NPAS3: variants seen among roughly 807,000 people sequenced by gnomAD.
NPAS3 encodes neuronal PAS domain protein 3.
A neutral mutation model predicts 73.1 loss-of-function variants in NPAS3; 14 were observed. The observed-to-expected ratio is 0.19, with a 90% CI of 0.13 to 0.30. The LOEUF (loss-of-function observed/expected upper bound fraction) is 0.30. Among genes scored for constraint, NPAS3 ranks in the 10% least tolerant of loss-of-function variants. The pLI, the probability that NPAS3 is intolerant of heterozygous loss-of-function variation, is 1.00. For synonymous variants in NPAS3, 620 were observed against 541.5 expected, an observed-to-expected ratio of 1.14 and a Z score of -2.01; for missense variants, 1,096 against 1,250.0, an observed-to-expected ratio of 0.88 and a Z score of 1.86.
intron 5 of NPAS3, among the ~76,000 whole-genome samples, chr14:33,563,510 A>T (rs10145049): frequency 0.31 from 36,485 of 118,190 alleles, 4,771 homozygotes; most frequent in African/African-American, 0.33. Flanking sequence ...TGCCAGATAC[A>T]CATACATACA....
intron 3 of NPAS3, among the ~76,000 whole-genome samples, chr14:33,301,452 G>T (rs1486037362): frequency 6.6e-6 from 1 of 151,400 alleles, no homozygotes; most frequent in Non-Finnish European, 1.5e-5. Context: ...TCAAGAAAAA[G>T]AAAGTTTGTA....
At chr14:33,323,913 G>A (rs537837442) in intron 3 of NPAS3, among the ~76,000 whole-genome samples, 1 of 152,318 alleles carries the variant, frequency 6.6e-6, no homozygotes, top group South Asian at 2.1e-4. Flanking sequence ...ATCCATTCCT[G>A]ATATAATATT....
chr14:33,220,498 G>A (rs763912828), intron 3 of NPAS3, among the ~76,000 whole-genome samples: 7 of 152,262 alleles, frequency 4.6e-5, no homozygotes, highest in African/African-American at 7.2e-5. Flanking sequence ...CATTTAAGGA[G>A]CTCATTTAAG....
chr14:33,012,705 C>A (rs2039251967), intron 1 of NPAS3, among the ~76,000 whole-genome samples: 1 of 152,026 alleles, frequency 6.6e-6, no homozygotes, highest in Admixed American at 6.6e-5. Flanking sequence ...CCCGCCACCA[C>A]ACATGGCTAA....
chr14:33,337,799 T>C (rs1308490882), intron 3 of NPAS3, among the ~76,000 whole-genome samples: 1 of 152,106 alleles, frequency 6.6e-6, no homozygotes, highest in Non-Finnish European at 1.5e-5. Context: ...TCTTGTACTT[T>C]TGTTTGCTAA....
At chr14:33,293,049 G>A (rs988634920) in intron 3 of NPAS3, among the ~76,000 whole-genome samples, 3 of 152,094 alleles carry the variant, frequency 2.0e-5, no homozygotes, top group Admixed American at 6.5e-5. Context: ...AGGAGCTCTC[G>A]TGACCCATCA....
chr14:33,782,693 G>A (rs918272575), intron 9 of NPAS3, among the ~76,000 whole-genome samples: 3 of 151,934 alleles, frequency 2.0e-5, no homozygotes, highest in Non-Finnish European at 4.4e-5. Context: ...TTCCTTCCTA[G>A]CACCTGACCC....
At chr14:33,111,854 TTCCCCTTCCTGTG>T (rs2042907783) in intron 2 of NPAS3, among the ~76,000 whole-genome samples, 1 of 144,726 alleles carries the variant, frequency 6.9e-6, no homozygotes, top group Non-Finnish European at 1.5e-5. Context: ...GTGTGTGATG[TTCCCCTTCCTGTG>T]TCCATGTGTT....
At chr14:32,981,205 G>A (rs760749809) in intron 1 of NPAS3, among the ~76,000 whole-genome samples, 6 of 152,128 alleles carry the variant, frequency 3.9e-5, no homozygotes, top group Non-Finnish European at 8.8e-5. Flanking sequence ...ATGGTTCAAA[G>A]TATTACAGTA....
At chr14:33,680,566 A>G (rs1488795213) in intron 6 of NPAS3, 3 of 700,982 alleles carry the variant, frequency 4.3e-6, no homozygotes, top group Non-Finnish European at 5.2e-6. Context: ...TTTCATTTTC[A>G]TGTTTCTCTA....
At chr14:33,725,761 T>A (rs758363191) in intron 6 of NPAS3, among the ~76,000 whole-genome samples, 18 of 152,196 alleles carry the variant, frequency 1.2e-4, no homozygotes, top group Non-Finnish European at 2.2e-4. Flanking sequence ...CCAGGCAACT[T>A]CTAGCTACTA....
chr14:33,590,451 GGTGA>G (rs1198878102), intron 5 of NPAS3, among the ~76,000 whole-genome samples: 1 of 152,090 alleles, frequency 6.6e-6, no homozygotes, highest in East Asian at 1.9e-4. Context: ...TAATTGTCAA[GGTGA>G]GTGAGATATA....
At chr14:33,215,340 A>G (rs1177308382) in exon 3 of NPAS3, 5 of 1,595,048 alleles carry the variant, frequency 3.1e-6, no homozygotes, top group Non-Finnish European at 4.3e-6. Context: ...ACAATTAGCT[A>G]TCTGAAAATG....
At chr14:33,484,753 A>T (rs2051499407) in intron 4 of NPAS3, among the ~76,000 whole-genome samples, 1 of 152,196 alleles carries the variant, frequency 6.6e-6, no homozygotes, top group Non-Finnish European at 1.5e-5. Flanking sequence ...TTCTCGTGCC[A>T]GAGATCTCTA....
intron 5 of NPAS3, among the ~76,000 whole-genome samples, chr14:33,600,932 G>A (rs1248900835): frequency 6.6e-6 from 1 of 152,226 alleles, no homozygotes; most frequent in African/African-American, 2.4e-5. Context: ...AAGGATAGGA[G>A]AGGTGAGGCC....
chr14:33,248,198 C>T (rs1301166091), intron 3 of NPAS3, among the ~76,000 whole-genome samples: 3 of 152,168 alleles, frequency 2.0e-5, no homozygotes, highest in Non-Finnish European at 4.4e-5. Context: ...TTCCTAAAGG[C>T]AACATAACTT....
At chr14:33,372,365 T>C (rs577509135) in intron 4 of NPAS3, among the ~76,000 whole-genome samples, 4 of 152,334 alleles carry the variant, frequency 2.6e-5, no homozygotes, top group African/African-American at 9.6e-5. Flanking sequence ...ATTAGCCGTA[T>C]ATTCTCGTAG....
intron 1 of NPAS3, among the ~76,000 whole-genome samples, chr14:33,006,187 GA>G (rs1221821259): frequency 6.6e-6 from 1 of 152,144 alleles, no homozygotes; most frequent in Non-Finnish European, 1.5e-5. Context: ...GACTCTCAAA[GA>G]AAAGATAAAG....
intron 2 of NPAS3, among the ~76,000 whole-genome samples, chr14:33,059,689 C>T (rs1250735604): frequency 1.3e-5 from 2 of 152,160 alleles, no homozygotes; most frequent in African/African-American, 4.8e-5. Context: ...TGCAAAAGTT[C>T]TTTTCAAATT....
Sources: allele counts gnomAD v4.1 joint callset (sites outside exome capture counted in the v4.1 genomes callset), GRCh38; gene constraint gnomAD v4.1.1; transcripts MANE v1.5; gene names NCBI Gene and HGNC (gene_info 2026-07-23, HGNC 2026-07-21).